The following PABPC1 variants were observed in gnomAD, a reference collection of about 807,000 sequenced individuals.
PABPC1 encodes the protein poly(A) binding protein cytoplasmic 1.
Under a neutral mutation model 74.0 loss-of-function variants are expected in PABPC1, and 4 were observed. That is an observed-to-expected ratio of 0.05 (90% CI 0.03 to 0.12). The LOEUF is 0.12. Among genes scored for constraint, PABPC1 ranks in the 10% least tolerant of loss-of-function variants. The pLI, the probability that PABPC1 is intolerant of heterozygous loss-of-function variation, is 1.00. For synonymous variants in PABPC1, 227 were observed against 264.1 expected (o/e 0.86, Z 1.36); for missense variants, 271 against 821.1 (o/e 0.33, Z 8.19).
At chr8:100,704,453 T>C (rs1810329231) in intron 13 of PABPC1, 63 bp from the exon 14 acceptor site, 10 of 1,296,804 alleles carry the variant, frequency 7.7e-6, no homozygotes, top group Non-Finnish European at 1.1e-5. Context: ...AGTTTCATAA[T>C]GGTAACATAC....
chr8:100,721,600 G>A lies in PABPC1; in HGVS notation c.-17C>T, dbSNP rs377451406. On this transcript the variant is annotated 5_prime_UTR_variant, in exon 1 of 15. Transcript: ENST00000318607. The surrounding 1 kb of genome is among the most constrained non-coding windows in gnomAD (Gnocchi z 7.4). ...GGGGTTCATCTCGGCACGGCTGCCC[G>A]CAGGGCCACAGGCCGCGACCTTTCC... The A allele has an allele frequency of 1.6e-5, 24 of 1,521,346 alleles. No homozygotes were observed. Among genetic ancestry groups the A allele is most frequent in the African/African-American group, 2.8e-5 (2 of 71,828 alleles). The allele number at this position is 1,521,346 out of a possible 1,614,324, so 94.2% of individuals were successfully genotyped here.
intron 1 of PABPC1, among the ~76,000 whole-genome samples, chr8:100,719,824 C>G (rs1201758800): frequency 6.6e-6 from 1 of 152,194 alleles, no homozygotes; most frequent in Non-Finnish European, 1.5e-5. Context: ...GTTGTGATAA[C>G]CTGCCCCAAA....
intron 4 of PABPC1, among the ~76,000 whole-genome samples, chr8:100,715,099 T>G (rs552588766): frequency 6.6e-6 from 1 of 150,884 alleles, no homozygotes; most frequent in East Asian, 1.9e-4. Context: ...AATATATGCT[T>G]CTGATGACAT....
At position 100,712,808 on chromosome 8, in the gene PABPC1, G is replaced by GAAA. The variant is rs60596898; in HGVS notation, c.739-22_739-20dup. The stretch of plus-strand genomic sequence containing the variant: ...CCACAGCCTTCCCCCCAAAAAAAAA[G>GAAA]AAAAAAAAAAAATCACAAAACTTTC... On this transcript the variant is annotated intron_variant, in intron 5 of 14. Coordinates refer to ENST00000318607, the MANE Select transcript of PABPC1 (RefSeq NM_002568.4). The GAAA allele has an allele frequency of 0.022, 29,439 of 1,346,024 alleles. 46 individuals carry two copies. Among genetic ancestry groups the GAAA allele is most frequent in the South Asian group, 0.033 (2,235 of 68,296 alleles). 83.4% of individuals were successfully genotyped at this position (1,346,024 alleles called of 1,614,324 possible). A position where few individuals can be genotyped will look rare whatever the true frequency, so the allele number is the denominator to read the frequency against.
chr8:100,707,293 A>T (rs746816218), intron 9 of PABPC1: 34 of 205,314 alleles, frequency 1.7e-4, no homozygotes, highest in Non-Finnish European at 2.6e-4. Context: ...ACAGAGATTT[A>T]AAAAAAAAAG....
intron 7 of PABPC1, among the ~76,000 whole-genome samples, chr8:100,711,382 G>A (rs1810524121): frequency 6.6e-6 from 1 of 152,202 alleles, no homozygotes; most frequent in South Asian, 2.1e-4. Flanking sequence ...GGTTGGACAA[G>A]CTTGGCTTAA....
chr8:100,712,626 T>C (rs970243331), intron 6 of PABPC1, 26 bp downstream of exon 6: 3 of 1,594,146 alleles, frequency 1.9e-6, no homozygotes, highest in Admixed American at 3.7e-5. Flanking sequence ...CCCTGTCTTA[T>C]TTTGGTTGTT....
At chr8:100,710,793 C>A (rs1412997619) in intron 7 of PABPC1, among the ~76,000 whole-genome samples, 2 of 151,026 alleles carry the variant, frequency 1.3e-5, no homozygotes, top group African/African-American at 2.4e-5. Flanking sequence ...TCGAGACCAG[C>A]CTGGCCAACG....
Position 100,710,489 on chromosome 8 carries a change from T to C in PABPC1, c.973-758A>G, listed in dbSNP as rs184458449. Among the ~76,000 whole-genome samples, 3 of 152,318 alleles carry C rather than the reference T, an allele frequency of 2.0e-5. No individual in the cohort carries two copies. In the East Asian group the frequency reaches 5.8e-4, roughly 29 times the overall value. ...TTTAAAGTACTGGGGAAAAAGGACTTTGGGCTACTCAATACATGACACACT... is the reference window on the plus strand; with the variant it reads ...TTTAAAGTACTGGGGAAAAAGGACTCTGGGCTACTCAATACATGACACACT... On this transcript the variant is annotated intron_variant, in intron 7 of 14. Transcript: ENST00000318607.
At chr8:100,706,835 T>C (rs1270522429) in intron 10 of PABPC1, 30 bp from the exon 11 acceptor site, 2 of 1,177,004 alleles carry the variant, frequency 1.7e-6, no homozygotes, top group Non-Finnish European at 2.2e-6. Context: ...TGTATTTTTA[T>C]CTTGCTCTTT....
In PABPC1 at chr8:100,712,347, C is replaced by A; in HGVS notation, c.972+15G>T. The A allele has an allele frequency of 1.4e-6, 2 of 1,452,342 alleles. No homozygotes were observed. The highest frequency in any genetic ancestry group is 2.5e-5 in the South Asian group (2 of 80,328). 90.0% of individuals were successfully genotyped at this position (1,452,342 alleles called of 1,614,324 possible). A position where few individuals can be genotyped will look rare whatever the true frequency, so the allele number is the denominator to read the frequency against. On this transcript the variant is annotated intron_variant, in intron 7 of 14. Coordinates refer to ENST00000318607, the MANE Select transcript of PABPC1 (RefSeq NM_002568.4). ...TTTACTAGACCTCAAATAAATGAAC[C>A]ATATGTTTTCTTACCTTTGCACTAG...
Position 100,715,535 on chromosome 8 carries a change from G to A in PABPC1, c.570C>T (p.Phe190=), listed in dbSNP as rs759108462. ...EAELGARAKE[F]TNVYIKNFGE... ...CAAAATTCTTGATGTAAACATTGGT[G>A]AATTCTTTTGCCCTAGCTCCAAGTT... Residue 190 remains phenylalanine (F), a synonymous_variant, in exon 4 of 15, where the codon TTC becomes TTT. Transcript: ENST00000318607. 1 of 1,613,114 alleles carries A rather than the reference G, an allele frequency of 6.2e-7. No homozygotes were observed. The highest frequency in any genetic ancestry group is 8.5e-7 in the Non-Finnish European group (1 of 1,179,328).
chr8:100,710,484 G>C (rs1810498836), intron 7 of PABPC1, among the ~76,000 whole-genome samples: 1 of 152,130 alleles, frequency 6.6e-6, no homozygotes, highest in South Asian at 2.1e-4. Context: ...TGGGGAAAAA[G>C]GACTTTGGGC....
At chr8:100,714,952 T>C (rs551037989) in intron 4 of PABPC1, among the ~76,000 whole-genome samples, 2 of 152,292 alleles carry the variant, frequency 1.3e-5, no homozygotes, top group African/African-American at 2.4e-5. Context: ...AATAAGTACT[T>C]TGAATCACTG....
At chr8:100,712,130 G>C (rs948378539) in intron 7 of PABPC1, among the ~76,000 whole-genome samples, 1 of 152,176 alleles carries the variant, frequency 6.6e-6, no homozygotes, top group African/African-American at 2.4e-5. Context: ...CTAGTTGTTG[G>C]AATAGTGCAT....
At chr8:100,704,661 TGA>T (rs1293804329) in intron 13 of PABPC1, among the ~76,000 whole-genome samples, 1 of 152,170 alleles carries the variant, frequency 6.6e-6, no homozygotes, top group East Asian at 1.9e-4. Flanking sequence ...CAGCAGCAGT[TGA>T]GAGTATGGCT....
intron 4 of PABPC1, among the ~76,000 whole-genome samples, chr8:100,714,389 T>A (rs758772825): frequency 2.6e-5 from 4 of 152,212 alleles, no homozygotes; most frequent in Non-Finnish European, 5.9e-5. Context: ...TGGTACTTTT[T>A]TGCTCTAGTG....
intron 5 of PABPC1, 90 bp downstream of exon 5, chr8:100,712,997 G>GTCA: frequency 9.5e-7 from 1 of 1,054,742 alleles, no homozygotes; most frequent in South Asian, 1.6e-5. Context: ...ATAAGAACAT[G>GTCA]TCAAATAGCT....
Position 100,714,646 on chromosome 8 carries a change from T to C in PABPC1, c.643+816A>G, listed in dbSNP as rs577527703. Among the ~76,000 whole-genome samples the C allele has an allele frequency of 1.6e-4, 24 of 152,252 alleles. 1 individual carries two copies. Among genetic ancestry groups the C allele is most frequent in the Non-Finnish European group, 3.1e-4 (21 of 68,018 alleles). On this transcript the variant is annotated intron_variant, in intron 4 of 14. Coordinates refer to ENST00000318607, the MANE Select transcript of PABPC1 (RefSeq NM_002568.4). Reference sequence around the variant, plus strand: ...CTCAAGGTAGAGATAGGAGAACTGCTTGAACCCGGGAGGCGGAGGCTACAA... The same window carrying C: ...CTCAAGGTAGAGATAGGAGAACTGCCTGAACCCGGGAGGCGGAGGCTACAA...
Sources: gnomAD v4.1 joint callset for allele counts (sites outside exome capture counted in the v4.1 genomes callset) on GRCh38, gnomAD v4.1.1 for gene constraint, Gnocchi (gnomAD v3.1) non-coding constraint, MANE v1.5 for transcripts, NCBI Gene and HGNC (gene_info 2026-07-23, HGNC 2026-07-21) for gene names.